The following PDS5B variants were observed in gnomAD, a reference collection of about 807,000 sequenced individuals.
The protein encoded by PDS5B is PDS5 cohesin associated factor B.
Under a neutral mutation model 184.1 loss-of-function variants are expected in PDS5B, and 51 were observed. That is an observed-to-expected ratio of 0.28 (90% CI 0.22 to 0.35). The LOEUF is 0.35. Ranked by LOEUF, PDS5B falls within the 10% of genes least tolerant of loss-of-function variation. PDS5B has a pLI of 1.00. For synonymous variants in PDS5B, 566 were observed against 569.2 expected (o/e 0.99, Z 0.08); for missense variants, 1,180 against 1,723.3 (o/e 0.68, Z 5.58).
Position 32,764,618 on chromosome 13 carries a change from T to C in PDS5B, c.3624+24T>C, listed in dbSNP as rs776338119. Reference sequence around the variant, plus strand: ...GGGTGAGATATTTGCATTGATTTTATAATAATATTAATGATAATTTTACTT... The same window carrying C: ...GGGTGAGATATTTGCATTGATTTTACAATAATATTAATGATAATTTTACTT... On this transcript the variant is annotated intron_variant, in intron 31 of 34. Coordinates refer to ENST00000315596, the MANE Select transcript of PDS5B (RefSeq NM_015032.4). 1.7e-5 allele frequency: 21 copies of C among 1,247,204 alleles called. 1 individual carries two copies. In the South Asian group the frequency reaches 2.8e-4, roughly 17 times the overall value. 77.3% of individuals were successfully genotyped at this position (1,247,204 alleles called of 1,614,324 possible). A position where few individuals can be genotyped will look rare whatever the true frequency, so the allele number is the denominator to read the frequency against.
chr13:32,735,306 G>C lies in PDS5B; in HGVS notation c.2382G>C (p.Val794=). ...PLKSLVATFI[V]KDLLMNDRLP... ...AATCTTTGGTAGCTACTTTCATTGT[G>C]AAAGATCTTCTCATGAATGATCGGG... The change falls in exon 21 of 35, where the codon GTG becomes GTC. Residue 794 remains valine (V), a synonymous_variant. Coordinates refer to ENST00000315596, the MANE Select transcript of PDS5B (RefSeq NM_015032.4). The C allele has an allele frequency of 6.2e-7, 1 of 1,611,334 alleles. No homozygotes were observed.
intron 6 of PDS5B, among the ~76,000 whole-genome samples, chr13:32,662,022 T>C (rs73448652): frequency 0.01 from 1,588 of 152,276 alleles, 40 homozygotes; most frequent in African/African-American, 0.036. Context: ...AAATGACCTG[T>C]ATTTACCATG....
At chr13:32,751,999 ATCATT>A (rs1953999963) in intron 24 of PDS5B, among the ~76,000 whole-genome samples, 1 of 152,226 alleles carries the variant, frequency 6.6e-6, no homozygotes. Flanking sequence ...AAACTAAATG[ATCATT>A]CTAGATGAAG....
chr13:32,674,236 G>A (rs1356421206), intron 8 of PDS5B, among the ~76,000 whole-genome samples: 11 of 152,072 alleles, frequency 7.2e-5, no homozygotes, highest in African/African-American at 2.4e-4. Flanking sequence ...AGTAAAGCTG[G>A]TTATAATTAT....
chr13:32,651,416 T>C (rs2140664270), intron 2 of PDS5B, among the ~76,000 whole-genome samples: 1 of 152,304 alleles, frequency 6.6e-6, no homozygotes, highest in African/African-American at 2.4e-5. Flanking sequence ...TTTCTTCTCA[T>C]GAAAGGATTA....
At chr13:32,592,323 C>T (rs760736039) in intron 1 of PDS5B, among the ~76,000 whole-genome samples, 3 of 150,918 alleles carry the variant, frequency 2.0e-5, no homozygotes, top group Non-Finnish European at 3.0e-5. Context: ...GGTGTGATCT[C>T]GGCTCACTGC....
Position 32,746,225 on chromosome 13 carries a change from A to C in PDS5B, c.2736+125A>C, listed in dbSNP as rs892384203. ...TGGTTTGTTTGTTTCTGAAAAATTT[A>C]TGCATGAGAAACATTTCAGAGTTCT... On this transcript the variant is annotated intron_variant, in intron 24 of 34. Coordinates refer to ENST00000315596, the MANE Select transcript of PDS5B (RefSeq NM_015032.4). 6 of 788,734 alleles carry C rather than the reference A, an allele frequency of 7.6e-6. No individual in the cohort carries two copies. In the African/African-American group the frequency reaches 1.0e-4, roughly 14 times the overall value. The allele number at this position is 788,734 out of a possible 1,614,324, so 48.9% of individuals were successfully genotyped here.
intron 19 of PDS5B, among the ~76,000 whole-genome samples, chr13:32,728,358 A>G (rs984561063): frequency 3.9e-5 from 6 of 152,118 alleles, no homozygotes; most frequent in African/African-American, 1.4e-4. Context: ...TACTATGTCT[A>G]GTAGGAATGA....
intron 1 of PDS5B, among the ~76,000 whole-genome samples, chr13:32,613,481 G>A (rs1015041893): frequency 3.3e-5 from 5 of 152,186 alleles, no homozygotes; most frequent in African/African-American, 1.2e-4. Flanking sequence ...TGCATTTCCT[G>A]ATGATTAATG....
chr13:32,729,928 T>C (rs1279885845), intron 19 of PDS5B, among the ~76,000 whole-genome samples: 1 of 152,238 alleles, frequency 6.6e-6, no homozygotes, highest in Admixed American at 6.5e-5. Context: ...TCTTTTGCTC[T>C]GCAGAAGCTC....
rs1243574690 is a variant in PDS5B at position 32,696,992 on chromosome 13, TATG to T, written c.1600+93_1600+95del. 8.3e-6 allele frequency: 6 copies of T among 723,594 alleles called. No homozygotes were observed. The East Asian group carries it at 1.4e-4, about 17-fold the overall frequency. The allele number at this position is 723,594 out of a possible 1,614,324, so 44.8% of individuals were successfully genotyped here. A position where few individuals can be genotyped will look rare whatever the true frequency, so the allele number is the denominator to read the frequency against. ...TGTTTCATGCAGTTTTGTTATAGGCTATGATAATATAGGAATTTTAAATTTTCT... is the reference window on the plus strand; with the variant it reads ...TGTTTCATGCAGTTTTGTTATAGGCTATAATATAGGAATTTTAAATTTTCT... On this transcript the variant is annotated intron_variant, in intron 15 of 34. Transcript: ENST00000315596.
chr13:32,687,367 T>C, intron 12 of PDS5B, 82 bp downstream of exon 12: 2 of 1,088,312 alleles, frequency 1.8e-6, no homozygotes, highest in South Asian at 1.7e-5. Flanking sequence ...CTATTTTCTT[T>C]ATGACCTTAC....
chr13:32,612,342 A>G (rs2058156809), intron 1 of PDS5B, among the ~76,000 whole-genome samples: 1 of 152,204 alleles, frequency 6.6e-6, no homozygotes, highest in African/African-American at 2.4e-5. Flanking sequence ...TGCTGGGATT[A>G]CAGACGTGAG....
intron 1 of PDS5B, among the ~76,000 whole-genome samples, chr13:32,627,438 G>A (rs1033736095): frequency 1.3e-5 from 2 of 151,968 alleles, no homozygotes; most frequent in Non-Finnish European, 2.9e-5. Flanking sequence ...ATTTCTGAAT[G>A]GTACTTTAAA....
chr13:32,631,163 TG>T (rs2058449603), intron 1 of PDS5B, among the ~76,000 whole-genome samples: 1 of 149,672 alleles, frequency 6.7e-6, no homozygotes, highest in Non-Finnish European at 1.5e-5. Context: ...TTGCTTGGGC[TG>T]GGGTGCAGTG....
intron 1 of PDS5B, among the ~76,000 whole-genome samples, chr13:32,611,873 A>G (rs762547463): frequency 1.3e-5 from 2 of 152,014 alleles, no homozygotes; most frequent in Non-Finnish European, 2.9e-5. Flanking sequence ...AAGTTTGATC[A>G]TTCAGGGTTC....
chr13:32,746,166 A>G (rs555752071), intron 24 of PDS5B, 66 bp downstream of exon 24: 26 of 1,337,910 alleles, frequency 1.9e-5, no homozygotes, highest in Admixed American at 1.9e-4. Flanking sequence ...AAAAACATCC[A>G]CTGTGATACA....
At chr13:32,687,308 A>G (rs376443108) in intron 12 of PDS5B, 23 bp downstream of exon 12, 31 of 1,484,788 alleles carry the variant, frequency 2.1e-5, no homozygotes, top group Non-Finnish European at 2.5e-5. Context: ...CACTATAAAT[A>G]TTTGGTGACT....
At chr13:32,716,034 C>G (rs1952392226) in intron 19 of PDS5B, among the ~76,000 whole-genome samples, 1 of 118,344 alleles carries the variant, frequency 8.4e-6, no homozygotes, top group Non-Finnish European at 1.7e-5. Context: ...AGCCGCCTGC[C>G]TTGGCCTCCC....
Sources: allele counts gnomAD v4.1 joint callset (sites outside exome capture counted in the v4.1 genomes callset), GRCh38; gene constraint gnomAD v4.1.1; transcripts MANE v1.5; gene names NCBI Gene and HGNC (gene_info 2026-07-23, HGNC 2026-07-21).